Variants in CTNNA2 observed in about 807,000 individuals in gnomAD.
CTNNA2 encodes the protein catenin alpha 2, also known as catenin alpha-2.
Under a neutral mutation model 101.0 loss-of-function variants are expected in CTNNA2, and 42 were observed. The observed-to-expected ratio is 0.42, with a 90% CI of 0.32 to 0.54. The LOEUF (loss-of-function observed/expected upper bound fraction) is 0.54. CTNNA2 is among the 20% of genes least tolerant of loss of function. CTNNA2 has a pLI of 0.14. For synonymous variants in CTNNA2, 450 were observed against 456.4 expected, an observed-to-expected ratio of 0.99 and a Z score of 0.18; for missense variants, 871 against 1,223.1, an observed-to-expected ratio of 0.71 and a Z score of 4.29.
At position 79,874,286 on chromosome 2, in the gene CTNNA2, G is replaced by A. The variant is rs139544972; in HGVS notation, c.796G>A (p.Glu266Lys). ...TGCTCAAGCTACCTCGCCCACTGAC[G>A]AAGCCAAGGGCCACACGGGCATCGG... ...NAAQATSPTDEAKGHTGIGEL... is the reference protein window; with the variant it reads ...NAAQATSPTDKAKGHTGIGEL... The change falls in exon 6 of 19, where the codon GAA (glutamate) becomes AAA (lysine). Residue 266 changes from glutamate (E) to lysine (K), a missense_variant. Physicochemically the swap from Glu to Lys is moderately conservative, Grantham distance 56. Coordinates refer to ENST00000402739, the MANE Select transcript of CTNNA2 (RefSeq NM_001282597.3). 7 of 1,613,992 alleles carry A rather than the reference G, an allele frequency of 4.3e-6. No individual in the cohort carries two copies. The highest frequency in any genetic ancestry group is 2.2e-5 in the East Asian group (1 of 44,852).
At chr2:79,653,866 C>T (rs908125555) in intron 2 of CTNNA2, among the ~76,000 whole-genome samples, 26 of 152,278 alleles carry the variant, frequency 1.7e-4, no homozygotes, top group Middle Eastern at 3.4e-3. Flanking sequence ...CTGACTTCCA[C>T]GTAATTGTAG....
intron 3 of CTNNA2, among the ~76,000 whole-genome samples, chr2:79,367,012 A>G (rs1677765648): frequency 6.6e-6 from 1 of 152,204 alleles, no homozygotes; most frequent in Non-Finnish European, 1.5e-5. Flanking sequence ...TCTCCAATGT[A>G]TGTGATGGTA....
intron 1 of CTNNA2, among the ~76,000 whole-genome samples, chr2:79,534,603 A>G (rs889809006): frequency 2.4e-4 from 37 of 151,732 alleles, no homozygotes; most frequent in South Asian, 1.7e-3. Flanking sequence ...AGATTTATAG[A>G]TAATTTTTGC....
chr2:80,527,235 GAAAGC>G (rs1003856642), intron 9 of CTNNA2, among the ~76,000 whole-genome samples: 16 of 152,212 alleles, frequency 1.1e-4, no homozygotes, highest in Non-Finnish European at 2.4e-4. Context: ...TTTTTAAAAA[GAAAGC>G]AAAGCAAGTG....
intron 3 of CTNNA2, among the ~76,000 whole-genome samples, chr2:79,777,337 G>C (rs1051684717): frequency 1.1e-5 from 1 of 88,140 alleles, no homozygotes; most frequent in South Asian, 4.1e-4. Flanking sequence ...ATGTGTGTGT[G>C]TGTGTGTGTG....
chr2:80,546,163 C>T lies in CTNNA2; in HGVS notation c.1540+100C>T, dbSNP rs550102521. The T allele has an allele frequency of 2.9e-5, 41 of 1,427,910 alleles. No homozygotes were observed. In the East Asian group the frequency reaches 7.8e-4, roughly 27 times the overall value. The allele number at this position is 1,427,910 out of a possible 1,614,324, so 88.5% of individuals were successfully genotyped here. On this transcript the variant is annotated intron_variant, in intron 11 of 18. Coordinates refer to ENST00000402739, the MANE Select transcript of CTNNA2 (RefSeq NM_001282597.3). ...ATGTCATGGATCTGTGTTTCAGGCGCACTCCTTAGATCTTTGAGCTTTTTT... is the reference window on the plus strand; with the variant it reads ...ATGTCATGGATCTGTGTTTCAGGCGTACTCCTTAGATCTTTGAGCTTTTTT...
intron 3 of CTNNA2, among the ~76,000 whole-genome samples, chr2:79,314,715 C>T (rs1249642570): frequency 6.6e-6 from 1 of 152,184 alleles, no homozygotes; most frequent in East Asian, 1.9e-4. Context: ...CATTTTGGCT[C>T]AGTGTGATCA....
At chr2:79,578,073 AC>A (rs991274309) in intron 1 of CTNNA2, among the ~76,000 whole-genome samples, 12 of 152,188 alleles carry the variant, frequency 7.9e-5, no homozygotes, top group African/African-American at 2.9e-4. Context: ...GTGGGCACAG[AC>A]AGCCCAACAT....
intron 9 of CTNNA2, among the ~76,000 whole-genome samples, chr2:80,499,602 C>T (rs1050844227): frequency 2.0e-5 from 3 of 151,864 alleles, no homozygotes; most frequent in Non-Finnish European, 4.4e-5. Context: ...GTGGAAGGAT[C>T]ATCTGAGGTC....
chr2:80,298,650 A>T (rs944824318), intron 7 of CTNNA2: 1 of 152,262 alleles, frequency 6.6e-6, no homozygotes, highest in Non-Finnish European at 1.5e-5. Flanking sequence ...TGTGTTGTTG[A>T]TGCTAAATCA....
intron 7 of CTNNA2, among the ~76,000 whole-genome samples, chr2:80,102,373 T>C (rs1301487871): frequency 1.3e-5 from 2 of 152,184 alleles, no homozygotes; most frequent in Non-Finnish European, 2.9e-5. Flanking sequence ...ATCATATTGC[T>C]CTCCAGGACA....
chr2:79,855,350 C>T (rs1681044516), intron 3 of CTNNA2, among the ~76,000 whole-genome samples: 1 of 152,114 alleles, frequency 6.6e-6, no homozygotes, highest in African/African-American at 2.4e-5. Context: ...TGTCACCCAT[C>T]GGCTTTGAAG....
chr2:80,028,705 A>C (rs2104171774), intron 7 of CTNNA2, among the ~76,000 whole-genome samples: 1 of 152,334 alleles, frequency 6.6e-6, no homozygotes, highest in South Asian at 2.1e-4. Flanking sequence ...ATGTAATCAC[A>C]ATTGTTCTTT....
intron 7 of CTNNA2, among the ~76,000 whole-genome samples, chr2:79,999,833 T>C (rs1458628577): frequency 6.6e-6 from 1 of 152,172 alleles, no homozygotes; most frequent in Non-Finnish European, 1.5e-5. Flanking sequence ...AATTTCTCAT[T>C]TAAGTCTTCT....
chr2:80,371,390 T>C (rs753603019), intron 7 of CTNNA2, among the ~76,000 whole-genome samples: 11 of 152,120 alleles, frequency 7.2e-5, no homozygotes, highest in Non-Finnish European at 1.0e-4. Flanking sequence ...AGTGAAGTGT[T>C]AACAATATAA....
At chr2:80,589,903 T>TGTGC (rs147261127) in intron 15 of CTNNA2, among the ~76,000 whole-genome samples, 12,116 of 144,232 alleles carry the variant, frequency 0.084, 757 homozygotes, top group East Asian at 0.2. Context: ...TGTGTGTGTG[T>TGTGC]GTGCGCGCGC....
chr2:79,209,935 C>A (rs1674148680), intron 2 of CTNNA2, among the ~76,000 whole-genome samples: 1 of 151,476 alleles, frequency 6.6e-6, no homozygotes, highest in Non-Finnish European at 1.5e-5. Context: ...TTTGCCTGAT[C>A]AACAGTTTTC....
intron 1 of CTNNA2, among the ~76,000 whole-genome samples, chr2:79,528,457 C>T (rs1035103543): frequency 2.6e-5 from 4 of 151,920 alleles, no homozygotes; most frequent in African/African-American, 9.7e-5. Context: ...TGAGATGATG[C>T]AAATTCTGGA....
At chr2:79,770,399 T>G (rs1200915670) in intron 3 of CTNNA2, among the ~76,000 whole-genome samples, 1 of 152,200 alleles carries the variant, frequency 6.6e-6, no homozygotes, top group African/African-American at 2.4e-5. Flanking sequence ...AGTGCATCAT[T>G]TTTTAGACAA....
Sources: gnomAD v4.1 joint callset for allele counts (sites outside exome capture counted in the v4.1 genomes callset) on GRCh38, gnomAD v4.1.1 for gene constraint, MANE v1.5 for transcripts, NCBI Gene and HGNC (gene_info 2026-07-23, HGNC 2026-07-21) for gene names.